Variants in KMT2C observed in about 807,000 individuals in gnomAD.
KMT2C encodes histone-lysine N-methyltransferase 2C.
Under a neutral mutation model 507.9 loss-of-function variants are expected in KMT2C, and 88 were observed. That is an observed-to-expected ratio of 0.17 (90% CI 0.15 to 0.21). KMT2C has a LOEUF of 0.21. Ranked by LOEUF, KMT2C falls within the 10% of genes least tolerant of loss-of-function variation. The pLI is 1.00. For synonymous variants in KMT2C, 2,049 were observed against 2,080.8 expected (o/e 0.98, Z 0.42); for missense variants, 4,954 against 5,957.8 (o/e 0.83, Z 5.55).
At chr7:152,432,058 T>C (rs952665602) in intron 1 of KMT2C, among the ~76,000 whole-genome samples, 1 of 152,190 alleles carries the variant, frequency 6.6e-6, no homozygotes, top group Non-Finnish European at 1.5e-5. Flanking sequence ...GCCTAATTTT[T>C]CTACAACAAT....
At chr7:152,242,321 A>G (rs1401982310) in intron 14 of KMT2C, among the ~76,000 whole-genome samples, 2 of 152,234 alleles carry the variant, frequency 1.3e-5, no homozygotes, top group African/African-American at 4.8e-5. Context: ...ACAATGAACT[A>G]TGATATGAAA....
At chr7:152,340,309 T>C (rs1279287142) in intron 2 of KMT2C, among the ~76,000 whole-genome samples, 1 of 152,092 alleles carries the variant, frequency 6.6e-6, no homozygotes, top group African/African-American at 2.4e-5. Flanking sequence ...AGCTATTAAA[T>C]AGAATAACTG....
At chr7:152,323,640 G>T (rs1281085938) in intron 3 of KMT2C, among the ~76,000 whole-genome samples, 1 of 62,762 alleles carries the variant, frequency 1.6e-5, no homozygotes, top group African/African-American at 5.9e-5. Context: ...CCCTTTCAAA[G>T]AAAAAAAAAA....
chr7:152,206,851 ACT>A (rs2094321700), intron 24 of KMT2C, among the ~76,000 whole-genome samples: 1 of 152,098 alleles, frequency 6.6e-6, no homozygotes, highest in Admixed American at 6.6e-5. Flanking sequence ...AGCCATAATA[ACT>A]CTGTCTTATT....
intron 2 of KMT2C, among the ~76,000 whole-genome samples, chr7:152,343,671 A>G (rs1240922570): frequency 6.6e-6 from 1 of 152,142 alleles, no homozygotes; most frequent in Non-Finnish European, 1.5e-5. Flanking sequence ...GAAAAAACCT[A>G]AAAGAGGTCA....
intron 3 of KMT2C, among the ~76,000 whole-genome samples, chr7:152,328,065 A>C (rs1316381517): frequency 3.9e-5 from 6 of 152,174 alleles, no homozygotes; most frequent in African/African-American, 1.4e-4. Context: ...GCCCACCAAC[A>C]AAGTGCGTGT....
intron 7 of KMT2C, among the ~76,000 whole-genome samples, chr7:152,265,732 T>A (rs2095849285): frequency 6.6e-6 from 1 of 152,128 alleles, no homozygotes; most frequent in Non-Finnish European, 1.5e-5. Context: ...AGGGCTTTTT[T>A]TTAATTACTG....
intron 1 of KMT2C, among the ~76,000 whole-genome samples, chr7:152,420,305 G>C (rs1266646300): frequency 6.6e-6 from 1 of 152,180 alleles, no homozygotes; most frequent in Non-Finnish European, 1.5e-5. Flanking sequence ...CATAGCATGA[G>C]CAAGAAATGA....
At chr7:152,230,153 A>G in intron 17 of KMT2C, 67 bp downstream of exon 17, 1 of 1,057,252 alleles carries the variant, frequency 9.5e-7, no homozygotes, top group Non-Finnish European at 1.4e-6. Context: ...TTCTGTGTAT[A>G]TGAGATAAAG....
At chr7:152,394,963 A>T (rs759232288) in intron 1 of KMT2C, among the ~76,000 whole-genome samples, 1 of 152,172 alleles carries the variant, frequency 6.6e-6, no homozygotes, top group Non-Finnish European at 1.5e-5. Context: ...TGCATTTTTA[A>T]TTAAAATTTT....
intron 1 of KMT2C, among the ~76,000 whole-genome samples, chr7:152,397,842 TGTGA>T (rs1324185545): frequency 2.0e-5 from 3 of 152,188 alleles, no homozygotes; most frequent in African/African-American, 7.2e-5. Flanking sequence ...TGCCTTCTGC[TGTGA>T]GTGTGAGGCC....
intron 2 of KMT2C, among the ~76,000 whole-genome samples, chr7:152,349,341 G>A (rs2097091399): frequency 6.6e-6 from 1 of 152,054 alleles, no homozygotes; most frequent in African/African-American, 2.4e-5. Context: ...CTACTCGGGA[G>A]GCTGAGACGG....
At chr7:152,297,091 G>GAA (rs1554623108) in intron 6 of KMT2C, among the ~76,000 whole-genome samples, 15 of 147,392 alleles carry the variant, frequency 1.0e-4, no homozygotes, top group Admixed American at 4.7e-4. Flanking sequence ...GAGAGAGAGA[G>GAA]AGAAAGAAAG....
intron 9 of KMT2C, among the ~76,000 whole-genome samples, chr7:152,259,446 G>GCGCACACACACGCA (rs1188729137): frequency 7.4e-6 from 1 of 134,688 alleles, no homozygotes; most frequent in African/African-American, 2.8e-5. Flanking sequence ...ACACACACGC[G>GCGCACACACACGCA]CACACACACA....
chr7:152,409,730 C>CA (rs67898113), intron 1 of KMT2C, among the ~76,000 whole-genome samples: 1 of 141,258 alleles, frequency 7.1e-6, no homozygotes, highest in Non-Finnish European at 1.6e-5. Flanking sequence ...GACTCCGTCT[C>CA]AAAAAAAATA....
intron 2 of KMT2C, among the ~76,000 whole-genome samples, chr7:152,347,598 T>C (rs1323827496): frequency 6.6e-6 from 1 of 152,260 alleles, no homozygotes; most frequent in Non-Finnish European, 1.5e-5. Context: ...CAGTAAATTT[T>C]ATTCAGTTAT....
At chr7:152,198,886 C>A (rs747849602) in intron 27 of KMT2C, among the ~76,000 whole-genome samples, 9 of 152,076 alleles carry the variant, frequency 5.9e-5, no homozygotes, top group Non-Finnish European at 1.3e-4. Context: ...ACACAGTATG[C>A]CAGCAAGTTC....
At chr7:152,354,464 A>G (rs1212426117) in intron 2 of KMT2C, among the ~76,000 whole-genome samples, 1 of 152,212 alleles carries the variant, frequency 6.6e-6, no homozygotes, top group African/African-American at 2.4e-5. Flanking sequence ...TAAAGCTTAC[A>G]TTCTAGTGTG....
chr7:152,408,004 AGGTGGCCG>A (rs1435861030), intron 1 of KMT2C, among the ~76,000 whole-genome samples: 2 of 152,308 alleles, frequency 1.3e-5, no homozygotes, highest in African/African-American at 4.8e-5. Context: ...ATAGTGGCCA[AGGTGGCCG>A]GGTGGGGTGG....
Sources: allele counts gnomAD v4.1 joint callset (sites outside exome capture counted in the v4.1 genomes callset), GRCh38; gene constraint gnomAD v4.1.1; transcripts MANE v1.5; gene names NCBI Gene and HGNC (gene_info 2026-07-23, HGNC 2026-07-21).